Variants in SPAG16 observed in about 807,000 individuals in gnomAD.
SPAG16 encodes the protein sperm-associated antigen 16 protein.
In SPAG16, 86 loss-of-function variants were observed where a neutral mutation model predicts 80.4. The ratio of observed to expected loss-of-function variants is 1.07; its 90% CI spans 0.90 to 1.28. SPAG16 has a LOEUF of 1.28. SPAG16 is among the 50% of genes most tolerant of loss of function. SPAG16 has a pLI of 0.00. For missense variants in SPAG16, 870 were observed against 765.3 expected (o/e 1.14, Z -1.61); for synonymous variants, 294 against 265.9 (o/e 1.11, Z -1.03).
chr2:213,344,257 C>T (rs1165014671), intron 6 of SPAG16, among the ~76,000 whole-genome samples: 2 of 152,120 alleles, frequency 1.3e-5, no homozygotes, highest in African/African-American at 2.4e-5. Context: ...TATGGTGTTA[C>T]GGAGTGCTTC....
At chr2:213,733,940 T>C (rs1479447383) in intron 10 of SPAG16, among the ~76,000 whole-genome samples, 1 of 152,204 alleles carries the variant, frequency 6.6e-6, no homozygotes, top group East Asian at 1.9e-4. Context: ...CACTTTTATA[T>C]TCCTTTTTTT....
intron 15 of SPAG16, among the ~76,000 whole-genome samples, chr2:214,404,038 C>T (rs2126150825): frequency 6.6e-6 from 1 of 152,150 alleles, no homozygotes; most frequent in East Asian, 1.9e-4. Flanking sequence ...AAAAATATTC[C>T]ACTATAGGGA....
intron 12 of SPAG16, among the ~76,000 whole-genome samples, chr2:213,957,066 T>C (rs1485668520): frequency 1.3e-5 from 2 of 152,154 alleles, no homozygotes; most frequent in Non-Finnish European, 2.9e-5. Context: ...CTGGAAAATG[T>C]ACCATGTCTA....
At position 213,945,170 on chromosome 2, in the gene SPAG16, GTA is replaced by G. The variant is rs1182943334; in HGVS notation, c.1400+15033_1400+15034del. ...TAATAGGATATATATATATGTGTGTGTATATATATGTATATATATCTTTTTAT... is the reference window on the plus strand; with the variant it reads ...TAATAGGATATATATATATGTGTGTGTATATATGTATATATATCTTTTTAT... On this transcript the variant is annotated intron_variant, in intron 12 of 15. Transcript: ENST00000331683. Among the ~76,000 whole-genome samples the G allele has an allele frequency of 5.3e-5, 8 of 150,370 alleles. No homozygotes were observed. In the East Asian group the frequency reaches 1.6e-3, roughly 29 times the overall value.
intron 15 of SPAG16, among the ~76,000 whole-genome samples, chr2:214,171,776 G>A (rs958086468): frequency 6.6e-6 from 1 of 151,842 alleles, no homozygotes; most frequent in Non-Finnish European, 1.5e-5. Context: ...ACTGATACTG[G>A]TGCATCAAGT....
chr2:214,042,663 A>G (rs1337913076), intron 13 of SPAG16, among the ~76,000 whole-genome samples: 1 of 152,142 alleles, frequency 6.6e-6, no homozygotes, highest in African/African-American at 2.4e-5. Context: ...TACTAAGTGA[A>G]TGATGTCTTC....
At chr2:214,234,071 GT>G (rs966436228) in intron 15 of SPAG16, among the ~76,000 whole-genome samples, 4 of 121,718 alleles carry the variant, frequency 3.3e-5, no homozygotes, top group Admixed American at 7.8e-5. Flanking sequence ...AGTATGTGTT[GT>G]TTCCCCCCCC....
chr2:213,913,498 CTGTG>C (rs143573914), intron 11 of SPAG16, among the ~76,000 whole-genome samples: 7 of 136,604 alleles, frequency 5.1e-5, no homozygotes, highest in African/African-American at 1.8e-4. Context: ...GTCTGTGTGT[CTGTG>C]TGTGTGTGTG....
intron 5 of SPAG16, among the ~76,000 whole-genome samples, chr2:213,331,479 C>G (rs1396609443): frequency 6.6e-6 from 1 of 152,162 alleles, no homozygotes; most frequent in Non-Finnish European, 1.5e-5. Context: ...GGAGAGATCG[C>G]AATACAGTAA....
chr2:214,093,409 C>A (rs1458672963), intron 13 of SPAG16, among the ~76,000 whole-genome samples: 1 of 149,778 alleles, frequency 6.7e-6, no homozygotes, highest in Non-Finnish European at 1.5e-5. Context: ...TTTATTTAAT[C>A]TCTTCTATCA....
At chr2:214,291,928 T>C (rs1693835005) in intron 15 of SPAG16, among the ~76,000 whole-genome samples, 1 of 152,222 alleles carries the variant, frequency 6.6e-6, no homozygotes, top group South Asian at 2.1e-4. Flanking sequence ...CCTTAAGCAT[T>C]TCTTGTAGGG....
chr2:214,041,910 T>TTA (rs1257116558), intron 13 of SPAG16, among the ~76,000 whole-genome samples: 1 of 147,240 alleles, frequency 6.8e-6, no homozygotes, highest in East Asian at 2.0e-4. Flanking sequence ...TGTGTATATA[T>TTA]TATATATATC....
intron 15 of SPAG16, among the ~76,000 whole-genome samples, chr2:214,207,482 A>G (rs372126231): frequency 1.3e-5 from 2 of 152,162 alleles, no homozygotes; most frequent in Admixed American, 6.6e-5. Flanking sequence ...TCCTGTTTCT[A>G]TGCTAGCAGT....
chr2:214,171,556 A>C (rs1267270438), intron 15 of SPAG16, among the ~76,000 whole-genome samples: 1 of 152,000 alleles, frequency 6.6e-6, no homozygotes, highest in African/African-American at 2.4e-5. Flanking sequence ...TTTCTAAGAA[A>C]TTCTCATTAA....
Position 213,563,505 on chromosome 2 carries a change from C to A in SPAG16, c.1070+73415C>A, listed in dbSNP as rs143604727. Among the ~76,000 whole-genome samples, 21 of 152,348 alleles carry A rather than the reference C, an allele frequency of 1.4e-4. 1 individual carries two copies. The East Asian group carries it at 4.0e-3, about 29-fold the overall frequency. Reference sequence around the variant, plus strand: ...CTTCTAGTCAGAACTCTCTTTCTGGCTTGCAGATTACTGCCTTCTTTCTGG... The same window carrying A: ...CTTCTAGTCAGAACTCTCTTTCTGGATTGCAGATTACTGCCTTCTTTCTGG... On this transcript the variant is annotated intron_variant, in intron 10 of 15. Transcript: ENST00000331683.
At chr2:213,628,090 TG>T in intron 10 of SPAG16, among the ~76,000 whole-genome samples, 1 of 152,366 alleles carries the variant, frequency 6.6e-6, no homozygotes. Context: ...TCAGCAGAGC[TG>T]TGCTCTTTTA....
intron 6 of SPAG16, among the ~76,000 whole-genome samples, chr2:213,344,794 G>T (rs575969378): frequency 1.7e-4 from 26 of 152,216 alleles, no homozygotes; most frequent in African/African-American, 5.8e-4. Flanking sequence ...GGACATTTGG[G>T]TTGGTTCCAA....
intron 15 of SPAG16, among the ~76,000 whole-genome samples, chr2:214,292,976 A>G (rs950033815): frequency 6.6e-6 from 1 of 152,190 alleles, no homozygotes; most frequent in African/African-American, 2.4e-5. Flanking sequence ...TTATTAGTGA[A>G]GAATGTGGTA....
At chr2:214,257,731 T>C (rs1198467043) in intron 15 of SPAG16, among the ~76,000 whole-genome samples, 1 of 152,144 alleles carries the variant, frequency 6.6e-6, no homozygotes, top group Non-Finnish European at 1.5e-5. Flanking sequence ...ATTACTGGAT[T>C]AATTTAACAA....
Sources: gnomAD v4.1 joint callset for allele counts (sites outside exome capture counted in the v4.1 genomes callset) on GRCh38, gnomAD v4.1.1 for gene constraint, MANE v1.5 for transcripts, NCBI Gene and HGNC (gene_info 2026-07-23, HGNC 2026-07-21) for gene names.